Variants in FANCM observed in about 807,000 individuals in gnomAD.
FANCM encodes FA complementation group M.
Under a neutral mutation model 199.5 loss-of-function variants are expected in FANCM, and 140 were observed. The observed-to-expected ratio is 0.70, with a 90% CI of 0.61 to 0.81. FANCM has a LOEUF of 0.81. Ranked by LOEUF, FANCM falls within the 30% of genes least tolerant of loss-of-function variation. The pLI, the probability that FANCM is intolerant of heterozygous loss-of-function variation, is 0.00. For missense variants in FANCM, 2,410 were observed against 2,421.4 expected (o/e 1.00, Z 0.10); for synonymous variants, 840 against 836.8 (o/e 1.00, Z -0.07).
chr14:45,199,343 C>T (rs1356637877), intron 22 of FANCM, among the ~76,000 whole-genome samples: 1 of 152,168 alleles, frequency 6.6e-6, no homozygotes, highest in Non-Finnish European at 1.5e-5. Flanking sequence ...ACATCAGATA[C>T]TGTCTTAGCT....
In FANCM at chr14:45,172,992, T is replaced by A. The variant is rs1435657743; in HGVS notation, c.2161-63T>A. The A allele has an allele frequency of 3.9e-6, 5 of 1,283,372 alleles. No homozygotes were observed. In the African/African-American group the frequency reaches 4.4e-5, roughly 11 times the overall value. 79.5% of individuals were successfully genotyped at this position (1,283,372 alleles called of 1,614,324 possible). A position where few individuals can be genotyped will look rare whatever the true frequency, so the allele number is the denominator to read the frequency against. On this transcript the variant is annotated intron_variant, in intron 12 of 22. Transcript: ENST00000267430. ...GATTATATGTATATTGAGTGTTTTT[T>A]AAAATTAGTTTGTGAAATCTCAGTA... is the stretch of plus-strand genomic sequence containing the variant.
At chr14:45,183,931 T>C (rs1448639574) in intron 17 of FANCM, 29 bp downstream of exon 17, 1 of 1,515,442 alleles carries the variant, frequency 6.6e-7, no homozygotes, top group South Asian at 1.1e-5. Context: ...TCTTTAAATA[T>C]GTATGCATTT....
intron 20 of FANCM, among the ~76,000 whole-genome samples, chr14:45,190,713 ATTGTCCCCATTT>A (rs771573043): frequency 2.0e-5 from 3 of 150,200 alleles, no homozygotes; most frequent in Non-Finnish European, 4.4e-5. Flanking sequence ...CCCATTGCAA[ATTGTCCCCATTT>A]TTTTTTTTTT....
At chr14:45,151,666 T>A in intron 5 of FANCM, 138 bp downstream of exon 5, 1 of 789,682 alleles carries the variant, frequency 1.3e-6, no homozygotes, top group Non-Finnish European at 2.1e-6. Context: ...GGCTGATGCC[T>A]GTAATCCTAA....
intron 9 of FANCM, among the ~76,000 whole-genome samples, chr14:45,160,185 G>A (rs528674611): frequency 2.0e-5 from 3 of 151,118 alleles, no homozygotes; most frequent in East Asian, 3.9e-4. Context: ...GTAGAGATGG[G>A]GTTTCATCAT....
chr14:45,186,030 C>T (rs1403291413), intron 18 of FANCM, among the ~76,000 whole-genome samples: 2 of 152,106 alleles, frequency 1.3e-5, no homozygotes, highest in African/African-American at 4.8e-5. Flanking sequence ...TCCTATAGGA[C>T]TACAGGCATG....
At chr14:45,193,808 A>G (rs1263789335) in intron 20 of FANCM, among the ~76,000 whole-genome samples, 1 of 151,986 alleles carries the variant, frequency 6.6e-6, no homozygotes, top group Non-Finnish European at 1.5e-5. Context: ...CCCTTGAAAT[A>G]TATGAAATTT....
At chr14:45,181,216 G>T (rs1309775777) in intron 14 of FANCM, among the ~76,000 whole-genome samples, 3 of 152,108 alleles carry the variant, frequency 2.0e-5, no homozygotes, top group Non-Finnish European at 4.4e-5. Flanking sequence ...ATTAGCAAAA[G>T]ATATTGTCTT....
intron 10 of FANCM, among the ~76,000 whole-genome samples, chr14:45,166,456 G>A (rs1034563103): frequency 1.3e-5 from 2 of 152,084 alleles, no homozygotes; most frequent in Non-Finnish European, 2.9e-5. Flanking sequence ...TTCCATTAAA[G>A]GTTAATCTAA....
At chr14:45,156,359 C>T (rs1381268515) in intron 8 of FANCM, among the ~76,000 whole-genome samples, 1 of 152,064 alleles carries the variant, frequency 6.6e-6, no homozygotes, top group African/African-American at 2.4e-5. Flanking sequence ...TTTTTAATTT[C>T]TGAATATTTG....
intron 20 of FANCM, chr14:45,195,627 T>G (rs1277334762): frequency 2.9e-5 from 13 of 449,976 alleles, no homozygotes; most frequent in Non-Finnish European, 5.8e-5. Context: ...CTCACTTCCA[T>G]GTTGTTTTTG....
intron 19 of FANCM, 68 bp from the exon 20 acceptor site, chr14:45,188,734 G>T (rs879710194): frequency 6.7e-5 from 78 of 1,169,566 alleles, no homozygotes; most frequent in Non-Finnish European, 8.9e-5. Context: ...CATGTGCCTA[G>T]AAGTATATTT....
At chr14:45,144,033 A>G (rs1886179081) in intron 3 of FANCM, among the ~76,000 whole-genome samples, 1 of 149,960 alleles carries the variant, frequency 6.7e-6, no homozygotes, top group South Asian at 2.1e-4. Flanking sequence ...GCAGCCTTTT[A>G]AAACTTTTTT....
intron 3 of FANCM, among the ~76,000 whole-genome samples, chr14:45,146,600 G>A (rs151124075): frequency 1.6e-4 from 25 of 152,028 alleles, no homozygotes; most frequent in African/African-American, 5.8e-4. Context: ...GGAGGCCGAG[G>A]CGGGTGGATC....
At chr14:45,164,302 T>C in intron 9 of FANCM, 57 bp from the exon 10 acceptor site, 1 of 1,387,784 alleles carries the variant, frequency 7.2e-7, no homozygotes, top group South Asian at 1.2e-5. Flanking sequence ...AAATATGCTT[T>C]GATCTACAGT....
chr14:45,169,806 T>C (rs1888224603), intron 11 of FANCM, among the ~76,000 whole-genome samples: 1 of 152,216 alleles, frequency 6.6e-6, no homozygotes, highest in African/African-American at 2.4e-5. Flanking sequence ...TTAGAGATTA[T>C]AGAAGCTGAA....
chr14:45,167,147 C>A lies in FANCM; in HGVS notation c.1986C>A (p.Ile662=). The A allele has an allele frequency of 6.2e-7, 1 of 1,608,544 alleles. No homozygotes were observed. The highest frequency in any genetic ancestry group is 8.5e-7 in the Non-Finnish European group (1 of 1,174,952). Residue 662 remains isoleucine, a synonymous_variant, in exon 11 of 23, where the codon ATC becomes ATA. Transcript: ENST00000267430. ...PSRNLQRKSS[I]FSYRDGMRQS... The stretch of plus-strand genomic sequence containing the variant: ...GGAACTTGCAGCGAAAGTCATCTAT[C>A]TTTTCCTATAGGGATGGTAAATAAA...
At chr14:45,189,728 G>C (rs1250213024) in intron 20 of FANCM, among the ~76,000 whole-genome samples, 2 of 152,120 alleles carry the variant, frequency 1.3e-5, no homozygotes, top group Non-Finnish European at 2.9e-5. Context: ...CAGCACTCTG[G>C]GAGGCCGAGG....
intron 2 of FANCM, among the ~76,000 whole-genome samples, chr14:45,140,035 A>G (rs1415311534): frequency 6.6e-6 from 1 of 152,180 alleles, no homozygotes; most frequent in Non-Finnish European, 1.5e-5. Flanking sequence ...TGTAACTTAA[A>G]AAAAAATCTT....
Sources: allele counts gnomAD v4.1 joint callset (sites outside exome capture counted in the v4.1 genomes callset), GRCh38; gene constraint gnomAD v4.1.1; transcripts MANE v1.5; gene names NCBI Gene and HGNC (gene_info 2026-07-23, HGNC 2026-07-21).